The following ZNF738 variants were observed in gnomAD, a reference collection of about 807,000 sequenced individuals.
ZNF738 encodes protein ZNF738.
A neutral mutation model predicts 9.2 loss-of-function variants in ZNF738; 10 were observed. The observed-to-expected ratio is 1.09, with a 90% confidence interval of 0.67 to 1.85. ZNF738 has a LOEUF of 1.85. Ranked by LOEUF, ZNF738 falls within the 40% of genes most tolerant of loss-of-function variation. The pLI is 0.00. For missense variants in ZNF738, 346 were observed against 283.6 expected (o/e 1.22, Z -1.58); for synonymous variants, 113 against 94.5 (o/e 1.20, Z -1.14).
At chr19:21,361,044 C>T (rs2145215276) in intron 1 of ZNF738, among the ~76,000 whole-genome samples, 1 of 151,894 alleles carries the variant, frequency 6.6e-6, no homozygotes, top group South Asian at 2.1e-4. Context: ...GAACTCCCGA[C>T]CTCAGGTGAT....
chr19:21,384,120 TATC>T lies in ZNF738; in HGVS notation c.*447_*449del. ...TGGCAAAGCTTTCTACCGATTATCTTATCTTACTACACATAAGATGATTCATAC... is the reference window on the plus strand; with the variant it reads ...TGGCAAAGCTTTCTACCGATTATCTTTTACTACACATAAGATGATTCATAC... On this transcript the variant is annotated 3_prime_UTR_variant, in exon 5 of 5. Coordinates refer to ENST00000683779, the MANE Select transcript of ZNF738 (RefSeq NM_001355237.2). 1 of 1,496,406 alleles carries T rather than the reference TATC, an allele frequency of 6.7e-7. No individual in the cohort carries two copies. The highest frequency in any genetic ancestry group is 9.3e-7 in the Non-Finnish European group (1 of 1,080,526). 92.7% of individuals were successfully genotyped at this position (1,496,406 alleles called of 1,614,324 possible). A position where few individuals can be genotyped will look rare whatever the true frequency, so the allele number is the denominator to read the frequency against.
At position 21,383,806 on chromosome 19, in the gene ZNF738, T is replaced by C; in HGVS notation, c.*132T>C. On this transcript the variant is annotated 3_prime_UTR_variant, in exon 5 of 5. Coordinates refer to ENST00000683779, the MANE Select transcript of ZNF738 (RefSeq NM_001355237.2). ...CCTCAAACCTTACTACTCATGAAAA[T>C]TCATTCTGGAGAGAAACCCTACAAA... is the stretch of plus-strand genomic sequence containing the variant. 1.6e-6 allele frequency: 2 copies of C among 1,240,198 alleles called. No homozygotes were observed. Among genetic ancestry groups the C allele is most frequent in the East Asian group, 2.4e-5 (1 of 41,268 alleles). The allele number at this position is 1,240,198 out of a possible 1,614,324, so 76.8% of individuals were successfully genotyped here. A position where few individuals can be genotyped will look rare whatever the true frequency, so the allele number is the denominator to read the frequency against.
chr19:21,372,766 T>A (rs1973872771), intron 2 of ZNF738: 1 of 152,198 alleles, frequency 6.6e-6, no homozygotes, highest in Admixed American at 6.5e-5. Flanking sequence ...TAATGTGTTA[T>A]TCCCAGCACA....
At chr19:21,369,402 C>G (rs373730640) in intron 2 of ZNF738, among the ~76,000 whole-genome samples, 1 of 152,176 alleles carries the variant, frequency 6.6e-6, no homozygotes, top group African/African-American at 2.4e-5. Context: ...TGAGCCACCT[C>G]ATGCTACCAT....
At chr19:21,376,005 T>G in intron 4 of ZNF738, 41 bp downstream of exon 4, 2 of 695,930 alleles carry the variant, frequency 2.9e-6, no homozygotes, top group East Asian at 2.6e-5. Context: ...AGATGAAAGG[T>G]TGGAAGATTA....
At chr19:21,374,365 C>CT (rs778746504) in intron 2 of ZNF738, among the ~76,000 whole-genome samples, 10 of 152,306 alleles carry the variant, frequency 6.6e-5, no homozygotes, top group Non-Finnish European at 1.0e-4. Context: ...CTGCATAAAA[C>CT]TGATTTTTCT....
In ZNF738 at chr19:21,380,077, A is replaced by T. The variant is rs191311908; in HGVS notation, c.320-2789A>T. ...AAGAACTTTAGCAACTGGACTGAGG[A>T]ACCAGAAAGTATATGCACACTGGGA... On this transcript the variant is annotated intron_variant, in intron 4 of 4. Coordinates refer to ENST00000683779, the MANE Select transcript of ZNF738 (RefSeq NM_001355237.2). Among the ~76,000 whole-genome samples, 231 of 152,308 alleles carry T rather than the reference A, an allele frequency of 1.5e-3. 2 individuals carry two copies. Among genetic ancestry groups the T allele is most frequent in the Non-Finnish European group, 1.1e-3 (77 of 68,028 alleles).
intron 2 of ZNF738, among the ~76,000 whole-genome samples, chr19:21,371,468 A>T (rs1172490735): frequency 1.3e-5 from 2 of 152,236 alleles, no homozygotes; most frequent in African/African-American, 2.4e-5. Flanking sequence ...TTTGGTTGTT[A>T]CCCAGATGAG....
chr19:21,368,459 CTT>C (rs567976356), intron 2 of ZNF738, among the ~76,000 whole-genome samples: 2 of 151,132 alleles, frequency 1.3e-5, no homozygotes, highest in African/African-American at 2.4e-5. Flanking sequence ...GAGACAAACT[CTT>C]TTTTTTTCTT....
chr19:21,378,055 A>C (rs1973956051), intron 4 of ZNF738: 1 of 397,222 alleles, frequency 2.5e-6, no homozygotes, highest in Non-Finnish European at 4.4e-6. Context: ...AAAACCTTTA[A>C]GAGATACAAT....
Position 21,361,854 on chromosome 19 carries a change from A to G in ZNF738, c.92A>G (p.Glu31Gly). 1.3e-6 allele frequency: 1 copy of G among 779,500 alleles called. No homozygotes were observed. The highest frequency in any genetic ancestry group is 2.4e-6 in the Non-Finnish European group (1 of 417,446). 48.3% of individuals were successfully genotyped at this position (779,500 alleles called of 1,614,324 possible). A position where few individuals can be genotyped will look rare whatever the true frequency, so the allele number is the denominator to read the frequency against. Residue 31 changes from glutamate (E) to glycine (G), a missense_variant, in exon 2 of 5, where the codon GAA becomes GGA. Glu to Gly is a moderately conservative substitution (Grantham distance 98). Coordinates refer to ENST00000683779, the MANE Select transcript of ZNF738 (RefSeq NM_001355237.2). Reference protein sequence around the residue: ...ERNLLEYSYFEKGPLTFRDVV... With the variant: ...ERNLLEYSYFGKGPLTFRDVV... ...AATCTTCTGGAGTACTCTTATTTTG[A>G]AAAGGTAACCCCTTGATATGTTAAA...
In ZNF738 at chr19:21,383,503, A is replaced by T; in HGVS notation, c.957A>T (p.Glu319Asp). 1 of 853,214 alleles carries T rather than the reference A, an allele frequency of 1.2e-6. No homozygotes were observed. The allele number at this position is 853,214 out of a possible 1,614,324, so 52.9% of individuals were successfully genotyped here. The change falls in exon 5 of 5, where the codon GAA becomes GAT. Residue 319 changes from glutamate to aspartate, a missense_variant. Coordinates refer to ENST00000683779, the MANE Select transcript of ZNF738 (RefSeq NM_001355237.2). ...CTGGAGAGAAACCCTACAAATGTGAAGGATGTGGCAAAGCTTTCTGCCAAT... is the reference window on the plus strand; with the variant it reads ...CTGGAGAGAAACCCTACAAATGTGATGGATGTGGCAAAGCTTTCTGCCAAT... The part of the protein sequence containing the change: ...IHAGEKPYKC[E>D]GCGKAFCQFS...
chr19:21,369,270 A>G (rs1973826072), intron 2 of ZNF738, among the ~76,000 whole-genome samples: 1 of 151,492 alleles, frequency 6.6e-6, no homozygotes, highest in African/African-American at 2.4e-5. Flanking sequence ...CATCACGCCT[A>G]ATTTTTCTTT....
intron 1 of ZNF738, 48 bp downstream of exon 1, chr19:21,359,191 G>T (rs957857592): frequency 5.7e-6 from 6 of 1,049,492 alleles, no homozygotes; most frequent in African/African-American, 1.6e-5. Context: ...GGGCTGGTTG[G>T]AACCGGTGGG....
At chr19:21,361,340 A>G (rs1342589586) in intron 1 of ZNF738, among the ~76,000 whole-genome samples, 1 of 139,920 alleles carries the variant, frequency 7.1e-6, no homozygotes, top group Non-Finnish European at 1.6e-5. Context: ...GGGTTTCTCT[A>G]TGTTGGTCAG....
In ZNF738 at chr19:21,388,431, T is replaced by A. The variant is rs1974093242; in HGVS notation, c.*4757T>A. On this transcript the variant is annotated 3_prime_UTR_variant, in exon 5 of 5. Coordinates refer to ENST00000683779, the MANE Select transcript of ZNF738 (RefSeq NM_001355237.2). ...ATGATGAAAAAGTGGAGAGGTTCTT[T>A]GTGGTTAACTTATACTCTTGAGTGA... Among the ~76,000 whole-genome samples, 1 of 152,178 alleles carries A rather than the reference T, an allele frequency of 6.6e-6. No homozygotes were observed. The highest frequency in any genetic ancestry group is 1.5e-5 in the Non-Finnish European group (1 of 68,026).
chr19:21,383,608 T>G lies in ZNF738; in HGVS notation c.1062T>G (p.Asn354Lys). ...GTGAGGAATGTGGCAAAGCTTTTAA[T>G]TGGTACTCACACCTTACCAGACATA... ...YKCEECGKAFNWYSHLTRHKI... is the reference protein window; with the variant it reads ...YKCEECGKAFKWYSHLTRHKI... The change falls in exon 5 of 5, where the codon AAT becomes AAG. Residue 354 changes from asparagine to lysine, a missense_variant. Asn to Lys is a moderately conservative substitution (Grantham distance 94). Coordinates refer to ENST00000683779, the MANE Select transcript of ZNF738 (RefSeq NM_001355237.2). The G allele has an allele frequency of 9.2e-6, 8 of 866,750 alleles. No homozygotes were observed. Among genetic ancestry groups the G allele is most frequent in the East Asian group, 7.1e-5 (2 of 28,178 alleles). 53.7% of individuals were successfully genotyped at this position (866,750 alleles called of 1,614,324 possible). A position where few individuals can be genotyped will look rare whatever the true frequency, so the allele number is the denominator to read the frequency against.
chr19:21,377,796 G>C (rs1355302397), intron 4 of ZNF738: 1 of 356,722 alleles, frequency 2.8e-6, no homozygotes, highest in African/African-American at 2.1e-5. Context: ...ATTGGATCTT[G>C]GTTTTTAATA....
At position 21,380,219 on chromosome 19, in the gene ZNF738, A is replaced by T. The variant is rs113834053; in HGVS notation, c.320-2647A>T. ...AAACCATAGTTTCAAAGATGAAAGA[A>T]ACAAGTTCACATAAAAGGGTTTTAA... On this transcript the variant is annotated intron_variant, in intron 4 of 4. Coordinates refer to ENST00000683779, the MANE Select transcript of ZNF738 (RefSeq NM_001355237.2). Among the ~76,000 whole-genome samples, 376 of 152,348 alleles carry T rather than the reference A, an allele frequency of 2.5e-3. 3 individuals carry two copies. The highest frequency in any genetic ancestry group is 8.6e-3 in the African/African-American group (358 of 41,590).
Sources: gnomAD v4.1 joint callset for allele counts (sites outside exome capture counted in the v4.1 genomes callset) on GRCh38, gnomAD v4.1.1 for gene constraint, MANE v1.5 for transcripts, NCBI Gene and HGNC (gene_info 2026-07-23, HGNC 2026-07-21) for gene names.